The following GALNT13 variants were observed in gnomAD, a reference collection of about 807,000 sequenced individuals.
The protein encoded by GALNT13 is polypeptide N-acetylgalactosaminyltransferase 13.
A neutral mutation model predicts 64.2 loss-of-function variants in GALNT13; 28 were observed. That is an observed-to-expected ratio of 0.44 (90% CI 0.32 to 0.60). The LOEUF (loss-of-function observed/expected upper bound fraction) is 0.60, where lower values mean the gene tolerates loss of function less well. Ranked by LOEUF, GALNT13 falls within the 20% of genes least tolerant of loss-of-function variation. GALNT13 has a pLI of 0.05. For missense variants in GALNT13, 577 were observed against 669.8 expected (o/e 0.86, Z 1.53); for synonymous variants, 214 against 224.6 (o/e 0.95, Z 0.42).
chr2:154,301,818 G>A (rs540615862), intron 9 of GALNT13, among the ~76,000 whole-genome samples: 70 of 151,678 alleles, frequency 4.6e-4, no homozygotes, highest in Admixed American at 7.9e-4. Flanking sequence ...CAACCCAAGT[G>A]TTATGCTGGA....
chr2:153,803,375 T>A, the GALNT13 span, among the ~76,000 whole-genome samples: 1 of 152,162 alleles, frequency 6.6e-6, no homozygotes, highest in Non-Finnish European at 1.5e-5. Flanking sequence ...CTGTTCATAA[T>A]CCAATAGAAT....
chr2:153,622,647 C>T, the GALNT13 span, among the ~76,000 whole-genome samples: 1 of 152,076 alleles, frequency 6.6e-6, no homozygotes, highest in Non-Finnish European at 1.5e-5. Context: ...CAGTAAAATA[C>T]AAACATTATA....
At chr2:153,912,577 GT>G (rs70981688) in intron 2 of GALNT13, among the ~76,000 whole-genome samples, 4 of 151,224 alleles carry the variant, frequency 2.6e-5, no homozygotes, top group African/African-American at 7.3e-5. Flanking sequence ...TCATTTAGAT[GT>G]TTTTTTTTCT....
At chr2:153,845,760 G>A in the GALNT13 span, among the ~76,000 whole-genome samples, 2 of 147,358 alleles carry the variant, frequency 1.4e-5, no homozygotes, top group Non-Finnish European at 3.0e-5. Context: ...ACAAATTTAC[G>A]AATTTCTTCG....
chr2:153,261,560 C>T, the GALNT13 span, among the ~76,000 whole-genome samples: 1 of 152,130 alleles, frequency 6.6e-6, no homozygotes, highest in Non-Finnish European at 1.5e-5. Context: ...TCTGAAATGC[C>T]TGGATCTGGG....
intron 3 of GALNT13, among the ~76,000 whole-genome samples, chr2:154,067,924 A>G (rs1011382088): frequency 1.9e-5 from 2 of 106,692 alleles, no homozygotes; most frequent in African/African-American, 5.9e-5. Flanking sequence ...CAAAGTGGGA[A>G]GACAACCCAC....
At chr2:153,535,089 G>A in the GALNT13 span, among the ~76,000 whole-genome samples, 10 of 152,018 alleles carry the variant, frequency 6.6e-5, no homozygotes, top group African/African-American at 1.9e-4. Context: ...GATTAGGGGC[G>A]GCGTGGGAAC....
chr2:153,132,026 A>G, the GALNT13 span, among the ~76,000 whole-genome samples: 55 of 152,164 alleles, frequency 3.6e-4, no homozygotes, highest in Admixed American at 3.2e-3. Flanking sequence ...CAGAGACTTC[A>G]TCATCTCCTG....
intron 4 of GALNT13, among the ~76,000 whole-genome samples, chr2:154,238,486 T>A (rs531181237): frequency 6.6e-6 from 1 of 152,120 alleles, no homozygotes; most frequent in South Asian, 2.1e-4. Flanking sequence ...GTAGATAAAA[T>A]CATATCTTCC....
chr2:153,310,334 A>G, the GALNT13 span, among the ~76,000 whole-genome samples: 1,542 of 152,218 alleles, frequency 0.01, 29 homozygotes, highest in African/African-American at 0.036. Context: ...TAACTTGGTC[A>G]TGATAACTTA....
the GALNT13 span, among the ~76,000 whole-genome samples, chr2:153,429,806 A>G: frequency 7.2e-5 from 11 of 152,132 alleles, no homozygotes; most frequent in East Asian, 1.2e-3. Flanking sequence ...TTTTACATAT[A>G]CTCCTTAATT....
At chr2:153,822,991 GA>G in the GALNT13 span, among the ~76,000 whole-genome samples, 1 of 152,030 alleles carries the variant, frequency 6.6e-6, no homozygotes, top group South Asian at 2.1e-4. Flanking sequence ...TTCAACCTGA[GA>G]GTCAATTCAA....
the GALNT13 span, among the ~76,000 whole-genome samples, chr2:153,548,737 A>G: frequency 6.6e-6 from 1 of 152,206 alleles, no homozygotes; most frequent in Admixed American, 6.5e-5. Context: ...AATCCTGGGT[A>G]TAATAGTATA....
the GALNT13 span, among the ~76,000 whole-genome samples, chr2:153,569,868 A>G: frequency 6.6e-6 from 1 of 152,044 alleles, no homozygotes; most frequent in Non-Finnish European, 1.5e-5. Flanking sequence ...TGCACTCTCT[A>G]CGTCCTTCTG....
chr2:154,310,941 C>CATATATATTCATAGAATATTCTAAGA (rs766192483), intron 9 of GALNT13, among the ~76,000 whole-genome samples: 42,963 of 129,194 alleles, frequency 0.33, 8,439 homozygotes, highest in East Asian at 0.54. Flanking sequence ...TATTATTATT[C>CATATATATTCATAGAATATTCTAAGA]ATATATATTC....
At chr2:153,857,296 C>A in the GALNT13 span, among the ~76,000 whole-genome samples, 1 of 152,110 alleles carries the variant, frequency 6.6e-6, no homozygotes, top group Non-Finnish European at 1.5e-5. Context: ...TATATATTTA[C>A]CAGCGTACCA....
the GALNT13 span, among the ~76,000 whole-genome samples, chr2:153,346,949 T>A: frequency 6.6e-6 from 1 of 152,230 alleles, no homozygotes; most frequent in African/African-American, 2.4e-5. Context: ...CTACATAATT[T>A]GTGGGACCAC....
chr2:153,085,209 G>A, the GALNT13 span, among the ~76,000 whole-genome samples: 3 of 152,130 alleles, frequency 2.0e-5, no homozygotes, highest in African/African-American at 7.2e-5. Flanking sequence ...TTAAGATTAA[G>A]CAGAGCGTAA....
chr2:153,848,305 C>G, the GALNT13 span, among the ~76,000 whole-genome samples: 1 of 152,100 alleles, frequency 6.6e-6, no homozygotes, highest in Non-Finnish European at 1.5e-5. Flanking sequence ...GCAAAGAACA[C>G]AGGAACAGGG....
Sources: allele counts gnomAD v4.1 joint callset (sites outside exome capture counted in the v4.1 genomes callset), GRCh38; gene constraint gnomAD v4.1.1; transcripts MANE v1.5; gene names NCBI Gene and HGNC (gene_info 2026-07-23, HGNC 2026-07-21).